BPIFC: variants seen among roughly 807,000 people sequenced by gnomAD.
BPIFC encodes the protein BPI fold containing family C.
BPIFC carries 60 observed loss-of-function variants against 57.6 expected under a neutral mutation model. The observed-to-expected ratio is 1.04, with a 90% CI of 0.85 to 1.29. The LOEUF is 1.29. Among genes scored for constraint, BPIFC ranks in the 50% most tolerant of loss-of-function variants. The pLI is 0.00. For synonymous variants in BPIFC, 243 were observed against 224.5 expected (o/e 1.08, Z -0.74); for missense variants, 581 against 600.5 (o/e 0.97, Z 0.34).
intron 8 of BPIFC, among the ~76,000 whole-genome samples, chr22:32,442,007 A>T (rs953001009): frequency 9.9e-5 from 15 of 152,228 alleles, no homozygotes; most frequent in Non-Finnish European, 4.4e-5. Flanking sequence ...GAGCTCAGGC[A>T]GTAATGCTCA....
intron 13 of BPIFC, among the ~76,000 whole-genome samples, chr22:32,422,734 T>C (rs2145914666): frequency 6.6e-6 from 1 of 151,718 alleles, no homozygotes. Flanking sequence ...TGCGAAAAGA[T>C]GAAGAAACCA....
chr22:32,441,733 G>C (rs1934569738), intron 8 of BPIFC, among the ~76,000 whole-genome samples: 1 of 152,130 alleles, frequency 6.6e-6, no homozygotes, highest in Non-Finnish European at 1.5e-5. Context: ...AAACTCTGCA[G>C]GTTTAGAAAT....
chr22:32,443,690 C>T lies in BPIFC; in HGVS notation c.595-959G>A, dbSNP rs77786354. On this transcript the variant is annotated intron_variant, in intron 7 of 16. Transcript: ENST00000300399. ...CAGCACAGGCTTGGCTGCCTGGGGC[C>T]GAGGGTTGAATCCCTTGGCAAGTTA... 7.8e-4 allele frequency among the ~76,000 whole-genome samples: 118 copies of T among 152,230 alleles called. 1 individual carries two copies. Among genetic ancestry groups the T allele is most frequent in the Admixed American group, 2.2e-3 (33 of 15,288 alleles).
At chr22:32,457,677 G>A (rs1422679650) in intron 2 of BPIFC, among the ~76,000 whole-genome samples, 1 of 151,990 alleles carries the variant, frequency 6.6e-6, no homozygotes, top group Non-Finnish European at 1.5e-5. Flanking sequence ...GGTGCTAAGG[G>A]TGTAGTGTTG....
At chr22:32,459,561 G>A (rs1020682428) in intron 2 of BPIFC, among the ~76,000 whole-genome samples, 35 of 152,116 alleles carry the variant, frequency 2.3e-4, no homozygotes, top group African/African-American at 6.5e-4. Flanking sequence ...TACTCGGGAC[G>A]CTGAGGCAGG....
chr22:32,420,665 TA>T (rs1213869990), intron 13 of BPIFC, among the ~76,000 whole-genome samples: 1 of 152,212 alleles, frequency 6.6e-6, no homozygotes, highest in East Asian at 1.9e-4. Flanking sequence ...TGACTATAGT[TA>T]ACAATAATAT....
At chr22:32,458,388 C>G (rs1935090254) in intron 2 of BPIFC, among the ~76,000 whole-genome samples, 1 of 152,208 alleles carries the variant, frequency 6.6e-6, no homozygotes, top group Non-Finnish European at 1.5e-5. Flanking sequence ...TCAGCAAAGT[C>G]TTTCCTAGCC....
In BPIFC at chr22:32,414,038, A is replaced by G; in HGVS notation, c.*265T>C. 3.8e-6 allele frequency: 1 copy of G among 264,956 alleles called. No homozygotes were observed. The allele number at this position is 264,956 out of a possible 1,614,324, so 16.4% of individuals were successfully genotyped here. A position where few individuals can be genotyped will look rare whatever the true frequency, so the allele number is the denominator to read the frequency against. On this transcript the variant is annotated 3_prime_UTR_variant, in exon 17 of 17. Transcript: ENST00000300399. ...GAAGTACATGCCTAGCTCTTGTCCTAGAATCTTTCTTGCCCCAAACAAACA... is the reference window on the plus strand; with the variant it reads ...GAAGTACATGCCTAGCTCTTGTCCTGGAATCTTTCTTGCCCCAAACAAACA...
rs1935061289 is a variant in BPIFC at position 32,457,356 on chromosome 22, C to T, written c.31G>A (p.Gly11Arg). Residue 11 changes from glycine to arginine, a missense_variant, in exon 3 of 17, where the codon GGA becomes AGA. Physicochemically the swap from Gly to Arg is moderately radical, Grantham distance 125 (BLOSUM62 -2). Transcript: ENST00000300399. ...TAGAGATTCCACAGGAGGAAACATCCCCAGAGGACTGGGATTGTCTTTGTA... is the reference window on the plus strand; with the variant it reads ...TAGAGATTCCACAGGAGGAAACATCTCCAGAGGACTGGGATTGTCTTTGTA... MCTKTIPVLWGCFLLWNLYVS... is the reference protein window; with the variant it reads MCTKTIPVLWRCFLLWNLYVS... 4 of 1,610,182 alleles carry T rather than the reference C, an allele frequency of 2.5e-6. No homozygotes were observed. The highest frequency in any genetic ancestry group is 3.4e-5 in the Admixed American group (2 of 58,636).
intron 4 of BPIFC, among the ~76,000 whole-genome samples, chr22:32,447,773 T>C (rs1402868944): frequency 6.6e-6 from 1 of 151,962 alleles, no homozygotes; most frequent in Non-Finnish European, 1.5e-5. Flanking sequence ...ACTTGGCTAA[T>C]ATTTTTTATT....
At chr22:32,441,812 G>A (rs1934572315) in intron 8 of BPIFC, among the ~76,000 whole-genome samples, 1 of 152,170 alleles carries the variant, frequency 6.6e-6, no homozygotes, top group South Asian at 2.1e-4. Context: ...CAGTTTAATG[G>A]AAGATGATTT....
rs1331555771 is a variant in BPIFC at position 32,414,117 on chromosome 22, T to G, written c.*186A>C. 14 of 576,702 alleles carry G rather than the reference T, an allele frequency of 2.4e-5. No homozygotes were observed. In the Admixed American group the frequency reaches 5.1e-4, roughly 21 times the overall value. 35.7% of individuals were successfully genotyped at this position (576,702 alleles called of 1,614,324 possible). A position where few individuals can be genotyped will look rare whatever the true frequency, so the allele number is the denominator to read the frequency against. ...ATGCATACACTCACATTCAGACACC[T>G]CTATTTATCCCTTTAACAGAGTCTG... On this transcript the variant is annotated 3_prime_UTR_variant, in exon 17 of 17. Coordinates refer to ENST00000300399, the MANE Select transcript of BPIFC (RefSeq NM_174932.3).
Position 32,461,633 on chromosome 22 carries a change from A to T in BPIFC, c.-60T>A. On this transcript the variant is annotated 5_prime_UTR_variant, in exon 2 of 17. Transcript: ENST00000300399. ...TGTGCTGGGCCTTTCTTGATCCTTTAGTTGCCCTTGGAGGTTAGTCAAGGT... is the reference window on the plus strand; with the variant it reads ...TGTGCTGGGCCTTTCTTGATCCTTTTGTTGCCCTTGGAGGTTAGTCAAGGT... 1.0e-6 allele frequency: 1 copy of T among 985,546 alleles called. No homozygotes were observed. Among genetic ancestry groups the T allele is most frequent in the South Asian group, 4.7e-5 (1 of 21,284 alleles). The allele number at this position is 985,546 out of a possible 1,614,324, so 61.1% of individuals were successfully genotyped here.
chr22:32,414,384 G>T lies in BPIFC; in HGVS notation c.1443C>A (p.Ser481=). The stretch of plus-strand genomic sequence containing the variant: ...CGTGGAAACTTGGCTGCTGCTTTGA[G>T]GATGTTTCATACTTCAGGTCGGTGG... ...LISTDLKYET[S]SKQQPSFHVW... is the part of the protein sequence containing the mutation. Residue 481 remains serine, a synonymous_variant, in exon 17 of 17, where the codon TCC becomes TCA. Coordinates refer to ENST00000300399, the MANE Select transcript of BPIFC (RefSeq NM_174932.3). 1 of 1,614,026 alleles carries T rather than the reference G, an allele frequency of 6.2e-7. No homozygotes were observed. Among genetic ancestry groups the T allele is most frequent in the Non-Finnish European group, 8.5e-7 (1 of 1,179,938 alleles).
intron 8 of BPIFC, among the ~76,000 whole-genome samples, chr22:32,442,268 A>G (rs2092136): frequency 0.76 from 115,696 of 152,088 alleles, 44,104 homozygotes; most frequent in Non-Finnish European, 0.77. Flanking sequence ...GGTGTGGTGA[A>G]TCTTGTAGTC....
chr22:32,422,726 C>T (rs752414606), intron 13 of BPIFC, among the ~76,000 whole-genome samples: 5 of 151,356 alleles, frequency 3.3e-5, no homozygotes, highest in African/African-American at 4.9e-5. Context: ...AAAGAGAGTG[C>T]GAAAAGATGA....
intron 4 of BPIFC, among the ~76,000 whole-genome samples, chr22:32,453,119 A>G (rs987637353): frequency 5.9e-5 from 9 of 152,226 alleles, no homozygotes; most frequent in Admixed American, 3.3e-4. Flanking sequence ...TTAAAAAAGA[A>G]GACTGACTCA....
intron 2 of BPIFC, 115 bp from the exon 3 acceptor site, chr22:32,457,501 C>CATCCATCCA (rs1348758596): frequency 4.2e-6 from 5 of 1,193,880 alleles, no homozygotes; most frequent in Admixed American, 4.9e-5. Flanking sequence ...GAACTCAATA[C>CATCCATCCA]ATCCATCCAA....
At chr22:32,459,677 A>T (rs541947022) in intron 2 of BPIFC, among the ~76,000 whole-genome samples, 1 of 151,460 alleles carries the variant, frequency 6.6e-6, no homozygotes, top group East Asian at 1.9e-4. Context: ...AATAAAAAAT[A>T]AAAATTAAAA....
Sources: gnomAD v4.1 joint callset for allele counts (sites outside exome capture counted in the v4.1 genomes callset) on GRCh38, gnomAD v4.1.1 for gene constraint, MANE v1.5 for transcripts, NCBI Gene and HGNC (gene_info 2026-07-23, HGNC 2026-07-21) for gene names.